The following EWSR1 variants were observed in gnomAD, a reference collection of about 807,000 sequenced individuals.
EWSR1 encodes EWS RNA binding protein 1, also known as RNA-binding protein EWS.
A neutral mutation model predicts 92.1 loss-of-function variants in EWSR1; 14 were observed. The ratio of observed to expected loss-of-function variants is 0.15; its 90% confidence interval spans 0.10 to 0.24. The LOEUF (loss-of-function observed/expected upper bound fraction) is 0.24. Ranked by LOEUF, EWSR1 falls within the 10% of genes least tolerant of loss-of-function variation. The pLI is 1.00. For missense variants in EWSR1, 637 were observed against 870.9 expected (o/e 0.73, Z 3.38); for synonymous variants, 303 against 292.9 (o/e 1.03, Z -0.35).
chr22:29,278,446 G>A (rs1016953655), intron 5 of EWSR1, among the ~76,000 whole-genome samples: 1 of 152,180 alleles, frequency 6.6e-6, no homozygotes, highest in Non-Finnish European at 1.5e-5. Context: ...TAGCTCTTTG[G>A]GAGGCCGAGG....
chr22:29,292,851 T>C (rs2060546656), intron 11 of EWSR1, among the ~76,000 whole-genome samples: 1 of 150,706 alleles, frequency 6.6e-6, no homozygotes, highest in African/African-American at 2.4e-5. Context: ...CTGCAACCTC[T>C]GTTCAAGCGA....
chr22:29,280,862 GTTTTTT>G (rs71196650), intron 5 of EWSR1, among the ~76,000 whole-genome samples: 2,248 of 62,886 alleles, frequency 0.036, 456 homozygotes, highest in African/African-American at 0.097. Flanking sequence ...TGTGTGTGTT[GTTTTTT>G]TTTTTTTTTT....
intron 1 of EWSR1, 40 bp from the exon 2 acceptor site, chr22:29,272,176 T>C (rs2058733708): frequency 1.3e-6 from 2 of 1,593,886 alleles, no homozygotes; most frequent in African/African-American, 2.7e-5. Flanking sequence ...TCCTTGTTTC[T>C]GCTAACTTTA....
At chr22:29,278,391 T>G (rs2059285661) in intron 5 of EWSR1, among the ~76,000 whole-genome samples, 175 bp downstream of exon 5, 1 of 152,226 alleles carries the variant, frequency 6.6e-6, no homozygotes, top group East Asian at 1.9e-4. Context: ...TATTCTGCAT[T>G]TAACAGTGAA....
Position 29,272,568 on chromosome 22 carries a change from A to G in EWSR1, c.102+137A>G. On this transcript the variant is annotated intron_variant, in intron 3 of 16. Coordinates refer to ENST00000397938, the MANE Select transcript of EWSR1 (RefSeq NM_005243.4). ...AAATACCCAGGCATTTTAAACTTTC[A>G]CAGTGGGAGTGCGAAGGACTCCATT... The G allele has an allele frequency of 3.5e-6, 3 of 858,960 alleles. No individual in the cohort carries two copies. The South Asian group carries it at 4.8e-5, about 14-fold the overall frequency. The allele number at this position is 858,960 out of a possible 1,614,324, so 53.2% of individuals were successfully genotyped here. A position where few individuals can be genotyped will look rare whatever the true frequency, so the allele number is the denominator to read the frequency against.
chr22:29,292,628 T>G (rs372196739), intron 11 of EWSR1, 22 bp downstream of exon 11: 36 of 1,479,748 alleles, frequency 2.4e-5, no homozygotes, highest in Admixed American at 1.7e-4. Flanking sequence ...CATAACCAGG[T>G]CATCTGGCAG....
intron 4 of EWSR1, chr22:29,277,491 G>A (rs542873823): frequency 4.4e-6 from 1 of 226,912 alleles, no homozygotes; most frequent in Non-Finnish European, 8.7e-6. Flanking sequence ...TGATGTTAGT[G>A]CTTGGGACCA....
chr22:29,282,972 C>T (rs2059728545), intron 6 of EWSR1, among the ~76,000 whole-genome samples: 1 of 152,090 alleles, frequency 6.6e-6, no homozygotes, highest in Admixed American at 6.5e-5. Context: ...CTGTGTTGGC[C>T]AGGATGGTCT....
At chr22:29,269,335 A>C (rs1001852049) in intron 1 of EWSR1, 4 of 152,274 alleles carry the variant, frequency 2.6e-5, no homozygotes, top group African/African-American at 9.6e-5. Flanking sequence ...CAGTAGAAGC[A>C]ATCTTAAAGG....
Position 29,287,210 on chromosome 22 carries a change from GGTTT to G in EWSR1, c.793+81_793+84del, listed in dbSNP as rs1389343425. On this transcript the variant is annotated intron_variant, in intron 7 of 16. Coordinates refer to ENST00000397938, the MANE Select transcript of EWSR1 (RefSeq NM_005243.4). ...TTTTGTGGGGTTGATTTTTTTTGTTGGTTTGTTTTTCTTTTGAGATGGAGTTTCA... is the reference window on the plus strand; with the variant it reads ...TTTTGTGGGGTTGATTTTTTTTGTTGGTTTTTCTTTTGAGATGGAGTTTCA... 13 of 1,437,530 alleles carry G rather than the reference GGTTT, an allele frequency of 9.0e-6. No individual in the cohort carries two copies. The South Asian group carries it at 1.3e-4, about 15-fold the overall frequency. The allele number at this position is 1,437,530 out of a possible 1,614,324, so 89.0% of individuals were successfully genotyped here.
chr22:29,299,212 G>A (rs2061140494), intron 14 of EWSR1, 22 bp from the exon 15 acceptor site: 3 of 1,613,888 alleles, frequency 1.9e-6, no homozygotes, highest in Non-Finnish European at 2.5e-6. Flanking sequence ...GGTGATTTCT[G>A]CTGTGATGTA....
rs768982377 is a variant in EWSR1 at position 29,296,378 on chromosome 22, A to G, written c.1294+10A>G. On this transcript the variant is annotated intron_variant, in intron 12 of 16. Coordinates refer to ENST00000397938, the MANE Select transcript of EWSR1 (RefSeq NM_005243.4). Reference sequence around the variant, plus strand: ...GTGGAATGGTTTGATGGTGAGATGTACTCACTGGCATTCTTAATCTCCCTG... The same window carrying G: ...GTGGAATGGTTTGATGGTGAGATGTGCTCACTGGCATTCTTAATCTCCCTG... The G allele has an allele frequency of 1.5e-5, 24 of 1,613,520 alleles. No homozygotes were observed. In the East Asian group the frequency reaches 5.4e-4, roughly 36 times the overall value.
At chr22:29,298,963 TCTAG>T (rs1438215816) in intron 14 of EWSR1, 68 bp downstream of exon 14, 3 of 1,473,604 alleles carry the variant, frequency 2.0e-6, no homozygotes, top group Non-Finnish European at 1.8e-6. Flanking sequence ...CCATCCCCAC[TCTAG>T]AGTGGATTGC....
At chr22:29,280,692 A>G (rs1239321150) in intron 5 of EWSR1, among the ~76,000 whole-genome samples, 5 of 144,810 alleles carry the variant, frequency 3.5e-5, no homozygotes, top group Non-Finnish European at 7.7e-5. Context: ...TTTTTTTTTA[A>G]GATGGAGTTT....
intron 10 of EWSR1, 24 bp from the exon 11 acceptor site, chr22:29,292,464 C>A (rs1054168001): frequency 1.4e-6 from 2 of 1,460,800 alleles, no homozygotes; most frequent in Non-Finnish European, 1.9e-6. Flanking sequence ...GATAATAATT[C>A]TCCTGTCTTG....
intron 11 of EWSR1, chr22:29,295,538 CACGTTCCTTTTTTTAAGTCAGA>C (rs2060790047): frequency 4.6e-6 from 1 of 219,142 alleles, no homozygotes. Flanking sequence ...TTTTAGGTAT[CACGTTCCTTTTTTTAAGTCAGA>C]GGTATCAATA....
chr22:29,278,162 C>T lies in EWSR1; in HGVS notation c.359C>T (p.Thr120Ile). ...ASYAAQSAYG[T>I]QPAYPAYGQQ... is the part of the protein sequence containing the mutation. ...TATGCAGCTCAGTCTGCATATGGCA[C>T]TCAGCCTGCTTATCCAGCCTATGGG... is the stretch of plus-strand genomic sequence containing the variant. The change falls in exon 5 of 17, where the codon ACT (threonine) becomes ATT (isoleucine). Residue 120 changes from threonine to isoleucine, a missense_variant. By Grantham distance (89) the Thr-to-Ile change is moderately conservative. Around this residue, in one of 5 missense-constraint regions of EWSR1, gnomAD observed 144 missense variants for 189.0 expected, o/e 0.76. Coordinates refer to ENST00000397938, the MANE Select transcript of EWSR1 (RefSeq NM_005243.4). 6.2e-7 allele frequency: 1 copy of T among 1,614,192 alleles called. No homozygotes were observed. Among genetic ancestry groups the T allele is most frequent in the Non-Finnish European group, 8.5e-7 (1 of 1,180,028 alleles).
At chr22:29,282,792 T>C (rs1022094983) in intron 6 of EWSR1, among the ~76,000 whole-genome samples, 11 of 148,920 alleles carry the variant, frequency 7.4e-5, no homozygotes, top group Admixed American at 2.7e-4. Flanking sequence ...AGACGGAGTC[T>C]CTCTCTGTCG....
intron 8 of EWSR1, chr22:29,290,589 CTT>C: frequency 6.6e-7 from 1 of 1,517,658 alleles, no homozygotes; most frequent in Non-Finnish European, 8.9e-7. Context: ...CCTTCTGTAA[CTT>C]TGGTAACTGC....
Sources: gnomAD v4.1 joint callset for allele counts (sites outside exome capture counted in the v4.1 genomes callset) on GRCh38, gnomAD v4.1.1 for gene constraint, gnomAD v4.1.1 regional missense constraint, MANE v1.5 for transcripts, NCBI Gene and HGNC (gene_info 2026-07-23, HGNC 2026-07-21) for gene names.